MAML1: variants seen among roughly 807,000 people sequenced by gnomAD.
The protein encoded by MAML1 is mastermind-like protein 1.
MAML1 carries 14 observed loss-of-function variants against 77.1 expected under a neutral mutation model. The ratio of observed to expected loss-of-function variants is 0.18; its 90% CI spans 0.12 to 0.28. The LOEUF is 0.28. MAML1 is among the 10% of genes least tolerant of loss of function. The pLI is 1.00. For missense variants in MAML1, 1,217 were observed against 1,327.8 expected, an observed-to-expected ratio of 0.92 and a Z score of 1.30; for synonymous variants, 516 against 551.9, an observed-to-expected ratio of 0.93 and a Z score of 0.91.
chr5:179,766,326 C>T lies in MAML1; in HGVS notation c.1316C>T (p.Ser439Phe). 6.2e-7 allele frequency: 1 copy of T among 1,609,306 alleles called. No homozygotes were observed. The highest frequency in any genetic ancestry group is 1.1e-5 in the South Asian group (1 of 90,410). Residue 439 changes from serine (S) to phenylalanine (F), a missense_variant, in exon 2 of 5, where the codon TCC (serine) becomes TTC (phenylalanine). By Grantham distance (155) the Ser-to-Phe change is radical. Coordinates refer to ENST00000292599, the MANE Select transcript of MAML1 (RefSeq NM_014757.5). The surrounding 1 kb of genome is among the most constrained non-coding windows in gnomAD (Gnocchi z 4.0). ...TWQQTGPSHS[S>F]LDVPYPMEKP... Reference sequence around the variant, plus strand: ...CAGCAGACGGGGCCCTCCCACAGTTCCTTAGATGTCCCTTACCCCATGGAG... The same window carrying T: ...CAGCAGACGGGGCCCTCCCACAGTTTCTTAGATGTCCCTTACCCCATGGAG...
chr5:179,753,184 A>AGTGTGTGTGTGT (rs59680995), intron 1 of MAML1, among the ~76,000 whole-genome samples: 21 of 120,590 alleles, frequency 1.7e-4, no homozygotes, highest in African/African-American at 5.4e-4. Flanking sequence ...GCTATTTTTT[A>AGTGTGTGTGTGT]GTGTGTGTGT....
intron 1 of MAML1, among the ~76,000 whole-genome samples, chr5:179,743,373 T>C (rs1206632757): frequency 6.8e-6 from 1 of 146,118 alleles, no homozygotes; most frequent in Non-Finnish European, 1.5e-5. Flanking sequence ...GCTTTTTTTT[T>C]TTTTTTTTTT....
chr5:179,732,856 C>T lies in MAML1; in HGVS notation c.-257C>T, dbSNP rs1779087618. 4 of 239,346 alleles carry T rather than the reference C, an allele frequency of 1.7e-5. No homozygotes were observed. The highest frequency in any genetic ancestry group is 6.9e-5 in the African/African-American group (3 of 43,786). The allele number at this position is 239,346 out of a possible 1,614,324, so 14.8% of individuals were successfully genotyped here. On this transcript the variant is annotated 5_prime_UTR_variant, in exon 1 of 5. Transcript: ENST00000292599. ...GAAAACAATTTTAAGATGGCGGCCG[C>T]GGCGGTAGCGCGGAAAACAATGGGG...
rs2113389127 is a variant in MAML1 at position 179,776,138 on chromosome 5, T to TC, written c.*1265dup. ...GGAAAACGAAGATGGAGAGAGCACT[T>TC]CCCCGTAACGAAAGCAAAGTGGTAA... is the stretch of plus-strand genomic sequence containing the variant. On this transcript the variant is annotated 3_prime_UTR_variant, in exon 5 of 5. Coordinates refer to ENST00000292599, the MANE Select transcript of MAML1 (RefSeq NM_014757.5). 1 of 985,902 alleles carries TC rather than the reference T, an allele frequency of 1.0e-6. No individual in the cohort carries two copies. Among genetic ancestry groups the TC allele is most frequent in the South Asian group, 4.7e-5 (1 of 21,282 alleles). The allele number at this position is 985,902 out of a possible 1,614,324, so 61.1% of individuals were successfully genotyped here.
chr5:179,757,562 C>G (rs1397553109), intron 1 of MAML1, among the ~76,000 whole-genome samples: 1 of 151,036 alleles, frequency 6.6e-6, no homozygotes, highest in African/African-American at 2.4e-5. Context: ...AGTGAGACTC[C>G]TCTCAAAAAA....
chr5:179,771,379 C>A lies in MAML1; in HGVS notation c.2068+136C>A. 1.4e-6 allele frequency: 1 copy of A among 694,386 alleles called. No individual in the cohort carries two copies. The highest frequency in any genetic ancestry group is 2.4e-6 in the Non-Finnish European group (1 of 414,988). 43.0% of individuals were successfully genotyped at this position (694,386 alleles called of 1,614,324 possible). A position where few individuals can be genotyped will look rare whatever the true frequency, so the allele number is the denominator to read the frequency against. On this transcript the variant is annotated intron_variant, in intron 4 of 4. Transcript: ENST00000292599. This position sits in a 1 kb window ranked among gnomAD's most constrained non-coding sequence, Gnocchi z 4.7. ...TTGTCATCATATACACCTCAGTTTG[C>A]CTAAGGGGCCTGGTTTTCTAGTTAC...
intron 1 of MAML1, 111 bp from the exon 2 acceptor site, chr5:179,765,215 G>A (rs1779794629): frequency 3.4e-6 from 3 of 886,208 alleles, no homozygotes; most frequent in Non-Finnish European, 5.2e-6. Flanking sequence ...TGTACACTAT[G>A]CAAGCAGAAC....
In MAML1 at chr5:179,771,253, G is replaced by A; in HGVS notation, c.2068+10G>A. The A allele has an allele frequency of 1.2e-6, 2 of 1,613,194 alleles. No individual in the cohort carries two copies. The highest frequency in any genetic ancestry group is 1.7e-5 in the Admixed American group (1 of 60,020). On this transcript the variant is annotated intron_variant, in intron 4 of 4. Transcript: ENST00000292599. This position sits in a 1 kb window ranked among gnomAD's most constrained non-coding sequence, Gnocchi z 4.7. ...GTTGGACAGTTCACAGGTAGGGGGT[G>A]TCTGTGTGACGAGCAGGGACAGGGG...
At chr5:179,733,480 A>G (rs2113324643) in intron 1 of MAML1, 53 bp downstream of exon 1, 2 of 1,079,282 alleles carry the variant, frequency 1.9e-6, no homozygotes, top group Non-Finnish European at 2.2e-6. Flanking sequence ...CTCTCCCGAA[A>G]ACGCTTCCTC....
At chr5:179,752,350 A>AAAAAAAAAAAAT (rs1554150144) in intron 1 of MAML1, among the ~76,000 whole-genome samples, 3 of 66,716 alleles carry the variant, frequency 4.5e-5, no homozygotes, top group African/African-American at 2.0e-4. Flanking sequence ...AAAAAAAAAA[A>AAAAAAAAAAAAT]ATATATATAT....
chr5:179,766,774 C>A lies in MAML1; in HGVS notation c.1731+33C>A, dbSNP rs146965341. 11 of 1,482,254 alleles carry A rather than the reference C, an allele frequency of 7.4e-6. No individual in the cohort carries two copies. Among genetic ancestry groups the A allele is most frequent in the Non-Finnish European group, 9.0e-6 (10 of 1,105,850 alleles). 91.8% of individuals were successfully genotyped at this position (1,482,254 alleles called of 1,614,324 possible). A position where few individuals can be genotyped will look rare whatever the true frequency, so the allele number is the denominator to read the frequency against. On this transcript the variant is annotated intron_variant, in intron 2 of 4. Coordinates refer to ENST00000292599, the MANE Select transcript of MAML1 (RefSeq NM_014757.5). The surrounding 1 kb of genome is among the most constrained non-coding windows in gnomAD (Gnocchi z 4.0). ...TGAGCCTTTGCTTTCTGTTCCTCTGCTGCAGACACTTCAGTGAGGTTACTC... is the reference window on the plus strand; with the variant it reads ...TGAGCCTTTGCTTTCTGTTCCTCTGATGCAGACACTTCAGTGAGGTTACTC...
At chr5:179,758,510 C>T (rs1315053770) in intron 1 of MAML1, among the ~76,000 whole-genome samples, 7 of 151,566 alleles carry the variant, frequency 4.6e-5, no homozygotes, top group African/African-American at 7.3e-5. Flanking sequence ...CTCACCTCAA[C>T]CTCCCAAATA....
At chr5:179,753,321 A>G (rs1779541873) in intron 1 of MAML1, among the ~76,000 whole-genome samples, 1 of 151,988 alleles carries the variant, frequency 6.6e-6, no homozygotes, top group Non-Finnish European at 1.5e-5. Flanking sequence ...TACTCAATTA[A>G]ACCAGTCTAT....
At position 179,771,374 on chromosome 5, in the gene MAML1, G is replaced by C. The variant is rs1479930130; in HGVS notation, c.2068+131G>C. 1.8e-5 allele frequency: 13 copies of C among 738,822 alleles called. No individual in the cohort carries two copies. The highest frequency in any genetic ancestry group is 2.7e-5 in the Non-Finnish European group (12 of 446,438). The allele number at this position is 738,822 out of a possible 1,614,324, so 45.8% of individuals were successfully genotyped here. ...ATGCATTGTCATCATATACACCTCA[G>C]TTTGCCTAAGGGGCCTGGTTTTCTA... On this transcript the variant is annotated intron_variant, in intron 4 of 4. Coordinates refer to ENST00000292599, the MANE Select transcript of MAML1 (RefSeq NM_014757.5). The surrounding 1 kb of genome is among the most constrained non-coding windows in gnomAD (Gnocchi z 4.7).
intron 1 of MAML1, among the ~76,000 whole-genome samples, chr5:179,747,814 A>AAAAT: frequency 6.6e-6 from 1 of 150,722 alleles, no homozygotes; most frequent in African/African-American, 2.4e-5. Flanking sequence ...ATCTCAAAAA[A>AAAAT]AAAAAAAAAA....
intron 1 of MAML1, among the ~76,000 whole-genome samples, chr5:179,760,643 C>A (rs1367388989): frequency 6.6e-6 from 1 of 152,082 alleles, no homozygotes; most frequent in Non-Finnish European, 1.5e-5. Flanking sequence ...TGTGTGAAAT[C>A]TCTCAGGTAG....
At chr5:179,743,888 G>A (rs541321970) in intron 1 of MAML1, among the ~76,000 whole-genome samples, 14 of 152,174 alleles carry the variant, frequency 9.2e-5, no homozygotes, top group Non-Finnish European at 1.8e-4. Context: ...GCTATTTATA[G>A]TTGCAGGGTA....
chr5:179,733,946 A>G (rs1779117532), intron 1 of MAML1, among the ~76,000 whole-genome samples: 1 of 152,244 alleles, frequency 6.6e-6, no homozygotes, highest in Non-Finnish European at 1.5e-5. Flanking sequence ...TGGAAAACTT[A>G]GTAAAATGTT....
At chr5:179,737,337 G>A (rs1199713724) in intron 1 of MAML1, among the ~76,000 whole-genome samples, 1 of 152,166 alleles carries the variant, frequency 6.6e-6, no homozygotes, top group Admixed American at 6.5e-5. Flanking sequence ...TTGGAATGGG[G>A]TCATCGGAAC....
Sources: gnomAD v4.1 joint callset for allele counts (sites outside exome capture counted in the v4.1 genomes callset) on GRCh38, gnomAD v4.1.1 for gene constraint, Gnocchi (gnomAD v3.1) non-coding constraint, MANE v1.5 for transcripts, NCBI Gene and HGNC (gene_info 2026-07-23, HGNC 2026-07-21) for gene names.